TNFSF11: variants seen among roughly 807,000 people sequenced by gnomAD.
TNFSF11 encodes TNF superfamily member 11.
Under a neutral mutation model 32.2 loss-of-function variants are expected in TNFSF11, and 12 were observed. That is an observed-to-expected ratio of 0.37 (90% CI 0.24 to 0.60). The LOEUF (loss-of-function observed/expected upper bound fraction) is 0.60, where lower values mean the gene tolerates loss of function less well. Ranked by LOEUF, TNFSF11 falls within the 20% of genes least tolerant of loss-of-function variation. The probability of loss-of-function intolerance (pLI) is 0.66; values close to 1 mark genes in which losing one functional copy is unlikely to be tolerated. For synonymous variants in TNFSF11, 172 were observed against 152.1 expected (o/e 1.13, Z -0.96); for missense variants, 345 against 398.0 (o/e 0.87, Z 1.13).
chr13:42,596,371 G>T (rs540219089), intron 2 of TNFSF11, among the ~76,000 whole-genome samples: 1 of 152,260 alleles, frequency 6.6e-6, no homozygotes, highest in African/African-American at 2.4e-5. Context: ...ATCCCCAGCA[G>T]CCAGATGCCA....
intron 1 of TNFSF11, among the ~76,000 whole-genome samples, chr13:42,575,960 C>T (rs1464860868): frequency 3.3e-5 from 5 of 152,204 alleles, no homozygotes; most frequent in African/African-American, 9.6e-5. Flanking sequence ...CAGCGTTGTG[C>T]GTGGCACCGT....
intron 1 of TNFSF11, among the ~76,000 whole-genome samples, chr13:42,578,819 A>G (rs1873447736): frequency 6.6e-6 from 1 of 152,210 alleles, no homozygotes; most frequent in Admixed American, 6.5e-5. Context: ...TTTGCATCAA[A>G]TCAGTAACCA....
intron 2 of TNFSF11, among the ~76,000 whole-genome samples, chr13:42,599,203 T>A (rs992675322): frequency 2.0e-5 from 3 of 152,212 alleles, no homozygotes; most frequent in Admixed American, 6.5e-5. Flanking sequence ...AAAAACAACG[T>A]AGATTCTTAT....
upstream of TNFSF11, chr13:42,574,063 T>G: frequency 1.1e-5 from 6 of 551,722 alleles, no homozygotes; most frequent in South Asian, 4.4e-5. Context: ...GAGGTGGGAG[T>G]GGAAGAGGCA....
Position 42,600,791 on chromosome 13 carries a change from G to T in TNFSF11, c.427G>T (p.Glu143Ter). 1 of 1,614,134 alleles carries T rather than the reference G, an allele frequency of 6.2e-7. No individual in the cohort carries two copies. The highest frequency in any genetic ancestry group is 8.5e-7 in the Non-Finnish European group (1 of 1,180,006). ...CGTTGGATCACAGCACATCAGAGCA[G>T]AGAAAGGTAAGCATGGATCCATACA... ...HIVGSQHIRA[E>*]KAMVDGSWLD... The change falls in exon 3 of 5, where the codon GAG (glutamate) becomes TAG (stop). Residue 143 changes from glutamate to a stop codon, truncating the protein, a stop_gained. Transcript: ENST00000398795. LOFTEE classifies it high-confidence loss of function.
intron 4 of TNFSF11, among the ~76,000 whole-genome samples, chr13:42,604,115 G>A (rs1303322762): frequency 6.6e-6 from 1 of 152,174 alleles, no homozygotes; most frequent in Non-Finnish European, 1.5e-5. Context: ...CCCATTGAGA[G>A]GGTAGACTTC....
intron 2 of TNFSF11, among the ~76,000 whole-genome samples, chr13:42,567,324 C>A (rs983764854): frequency 6.6e-6 from 1 of 152,248 alleles, no homozygotes; most frequent in African/African-American, 2.4e-5. Flanking sequence ...GAATTAAAAA[C>A]CTGTCAAACA....
intron 1 of TNFSF11, among the ~76,000 whole-genome samples, chr13:42,577,093 G>T (rs982787329): frequency 2.6e-5 from 4 of 152,102 alleles, no homozygotes; most frequent in African/African-American, 9.7e-5. Context: ...ACTATCTGAG[G>T]TTTCTAAATG....
chr13:42,574,573 C>T, intron 1 of TNFSF11, 51 bp downstream of exon 1: 1 of 1,577,588 alleles, frequency 6.3e-7, no homozygotes, highest in Non-Finnish European at 8.6e-7. Flanking sequence ...CCATCTCCTT[C>T]CCCCGCACTT....
rs1873181768 is a variant in TNFSF11, at chr13:42,574,204, C to T, written c.-100C>T. ...CAAAGCCGGGCTCCAAGTCGGCGCC[C>T]CACGTCGAGGCTCCGCCGCAGCCTC... On this transcript the variant is annotated 5_prime_UTR_variant, in exon 1 of 5. Transcript: ENST00000398795. 1 of 1,479,236 alleles carries T rather than the reference C, an allele frequency of 6.8e-7. No homozygotes were observed. Among genetic ancestry groups the T allele is most frequent in the African/African-American group, 1.4e-5 (1 of 71,494 alleles). 91.6% of individuals were successfully genotyped at this position (1,479,236 alleles called of 1,614,324 possible).
intron 2 of TNFSF11, among the ~76,000 whole-genome samples, chr13:42,598,263 A>C (rs1868930311): frequency 6.6e-6 from 1 of 152,220 alleles, no homozygotes; most frequent in Non-Finnish European, 1.5e-5. Flanking sequence ...TCTGATGGAA[A>C]GGCAGATCAG....
At chr13:42,582,059 C>T (rs1278453113) in intron 2 of TNFSF11, among the ~76,000 whole-genome samples, 3 of 152,164 alleles carry the variant, frequency 2.0e-5, no homozygotes, top group East Asian at 1.9e-4. Flanking sequence ...CCTGTGTGTA[C>T]GTTATATACC....
rs546021205 is a variant in TNFSF11 at position 42,597,265 on chromosome 13, T to C, written c.388-3487T>C. ...GCAATCCTTCAACACCCAAAAGGTA[T>C]AAAATGAGAGCAGCATTACCTCTTG... On this transcript the variant is annotated intron_variant, in intron 2 of 4. Transcript: ENST00000398795. Among the ~76,000 whole-genome samples, 12 of 151,414 alleles carry C rather than the reference T, an allele frequency of 7.9e-5. No homozygotes were observed. The South Asian group carries it at 2.5e-3, about 32-fold the overall frequency.
intron 1 of TNFSF11, among the ~76,000 whole-genome samples, chr13:42,580,094 TC>T: frequency 6.6e-6 from 1 of 152,374 alleles, no homozygotes; most frequent in Non-Finnish European, 1.5e-5. Flanking sequence ...ACGTAGCTTT[TC>T]TTTTTCGCTT....
chr13:42,575,172 G>T (rs1286660404), intron 1 of TNFSF11, among the ~76,000 whole-genome samples: 2 of 152,198 alleles, frequency 1.3e-5, no homozygotes, highest in African/African-American at 4.8e-5. Context: ...GAAGGAAGAG[G>T]GACAGCCCCA....
upstream of TNFSF11, chr13:42,571,610 C>T (rs200111412): frequency 2.0e-5 from 3 of 152,170 alleles, no homozygotes; most frequent in Non-Finnish European, 1.5e-5. Context: ...CTCCAGTGAT[C>T]CTCACGCCTC....
upstream of TNFSF11, among the ~76,000 whole-genome samples, chr13:42,573,998 C>T (rs1873168836): frequency 6.6e-6 from 1 of 152,076 alleles, no homozygotes; most frequent in African/African-American, 2.4e-5. Context: ...TGAAGGAGGC[C>T]CTTCAGTGAC....
intron 2 of TNFSF11, among the ~76,000 whole-genome samples, chr13:42,586,946 C>T (rs765664062): frequency 7.9e-5 from 12 of 151,956 alleles, no homozygotes; most frequent in Non-Finnish European, 1.5e-4. Flanking sequence ...ATTAATATAC[C>T]CAAAGATTTG....
At chr13:42,593,732 A>G (rs1026404238) in intron 2 of TNFSF11, among the ~76,000 whole-genome samples, 1 of 152,254 alleles carries the variant, frequency 6.6e-6, no homozygotes, top group African/African-American at 2.4e-5. Flanking sequence ...TGCATTACAT[A>G]TGTTAACAAG....
Sources: gnomAD v4.1 joint callset for allele counts (sites outside exome capture counted in the v4.1 genomes callset) on GRCh38, gnomAD v4.1.1 for gene constraint, MANE v1.5 for transcripts, NCBI Gene and HGNC (gene_info 2026-07-23, HGNC 2026-07-21) for gene names.